IPP: variants seen among roughly 807,000 people sequenced by gnomAD.
IPP encodes intracisternal A particle-promoted polypeptide, also known as actin-binding protein IPP.
IPP carries 41 observed loss-of-function variants against 64.1 expected under a neutral mutation model. The ratio of observed to expected loss-of-function variants is 0.64; its 90% CI spans 0.50 to 0.83. IPP has a LOEUF of 0.83. Ranked by LOEUF, IPP falls within the 40% of genes least tolerant of loss-of-function variation. IPP has a pLI of 0.00. For missense variants in IPP, 649 were observed against 703.0 expected (o/e 0.92, Z 0.87); for synonymous variants, 214 against 235.2 (o/e 0.91, Z 0.83).
chr1:45,731,656 C>G (rs1645907221), intron 3 of IPP, among the ~76,000 whole-genome samples: 1 of 151,608 alleles, frequency 6.6e-6, no homozygotes, highest in Non-Finnish European at 1.5e-5. Context: ...CATCCCAGGG[C>G]CAGGTGTGGT....
chr1:45,702,740 C>T (rs1173930260), intron 8 of IPP, among the ~76,000 whole-genome samples: 1 of 152,086 alleles, frequency 6.6e-6, no homozygotes, highest in Non-Finnish European at 1.5e-5. Context: ...CAGGCATGAG[C>T]CACTGCACCC....
At chr1:45,738,189 G>C (rs1235791884) in intron 3 of IPP, among the ~76,000 whole-genome samples, 1 of 152,172 alleles carries the variant, frequency 6.6e-6, no homozygotes. Context: ...CATGCACAGA[G>C]TGGCAAAAAA....
intron 8 of IPP, among the ~76,000 whole-genome samples, chr1:45,700,500 C>T (rs1312699469): frequency 2.0e-5 from 3 of 152,016 alleles, no homozygotes; most frequent in Non-Finnish European, 4.4e-5. Flanking sequence ...CACCACCACA[C>T]CTAGCTAATT....
chr1:45,745,457 T>C (rs1218064249), intron 2 of IPP, among the ~76,000 whole-genome samples: 2 of 152,182 alleles, frequency 1.3e-5, no homozygotes, highest in East Asian at 1.9e-4. Flanking sequence ...AGTATACATA[T>C]ATTTTAAGAT....
At chr1:45,740,532 G>A (rs868822434) in intron 3 of IPP, among the ~76,000 whole-genome samples, 69 of 152,134 alleles carry the variant, frequency 4.5e-4, no homozygotes, top group Middle Eastern at 6.8e-3. Context: ...CAGACAGGGC[G>A]GCTGGCCGGG....
chr1:45,733,957 C>T (rs1388585576), intron 3 of IPP, among the ~76,000 whole-genome samples: 1 of 151,912 alleles, frequency 6.6e-6, no homozygotes, highest in Non-Finnish European at 1.5e-5. Flanking sequence ...TAAAAAAGCA[C>T]TTGATGATGA....
chr1:45,742,494 C>T (rs912762750), intron 2 of IPP, among the ~76,000 whole-genome samples: 2 of 152,328 alleles, frequency 1.3e-5, no homozygotes, highest in Non-Finnish European at 2.9e-5. Context: ...GACAAGGTCT[C>T]TATCTTCAAT....
chr1:45,716,855 G>T, intron 7 of IPP, 40 bp downstream of exon 7: 1 of 1,576,842 alleles, frequency 6.3e-7, no homozygotes, highest in Non-Finnish European at 8.6e-7. Context: ...CAGTTTTTCA[G>T]AACTACATTT....
intron 1 of IPP, among the ~76,000 whole-genome samples, chr1:45,748,891 G>C (rs1451219320): frequency 6.7e-6 from 1 of 149,166 alleles, no homozygotes; most frequent in African/African-American, 2.5e-5. Context: ...AGAATCGCTT[G>C]AACCTGGGAG....
intron 5 of IPP, among the ~76,000 whole-genome samples, chr1:45,725,714 A>T (rs1307015083): frequency 7.1e-6 from 1 of 140,506 alleles, no homozygotes; most frequent in African/African-American, 2.6e-5. Flanking sequence ...AGAAGTAGAC[A>T]TGGGAGACTT....
intron 7 of IPP, among the ~76,000 whole-genome samples, chr1:45,715,439 T>A: frequency 6.6e-6 from 1 of 151,934 alleles, no homozygotes; most frequent in East Asian, 1.9e-4. Flanking sequence ...CAGGAGATTG[T>A]GATCATCCTG....
intron 5 of IPP, among the ~76,000 whole-genome samples, chr1:45,723,647 G>A (rs756500860): frequency 1.3e-5 from 2 of 152,122 alleles, no homozygotes; most frequent in Admixed American, 6.5e-5. Flanking sequence ...GGAATTTTCT[G>A]TTGCACATGT....
chr1:45,727,852 A>G, intron 4 of IPP, 54 bp from the exon 5 acceptor site: 1 of 1,273,636 alleles, frequency 7.9e-7, no homozygotes, highest in Non-Finnish European at 1.1e-6. Context: ...ACATCTAAAC[A>G]TTTAGTATAA....
chr1:45,740,627 A>G (rs1646050285), intron 3 of IPP, among the ~76,000 whole-genome samples: 1 of 152,240 alleles, frequency 6.6e-6, no homozygotes, highest in African/African-American at 2.4e-5. Flanking sequence ...TCTGTCAGTA[A>G]TTTTTATCTA....
intron 2 of IPP, among the ~76,000 whole-genome samples, chr1:45,743,236 CTTTTT>C (rs1260853923): frequency 7.2e-6 from 1 of 139,304 alleles, no homozygotes; most frequent in Non-Finnish European, 1.6e-5. Flanking sequence ...CCACACCCAT[CTTTTT>C]TTTTTTTTTT....
At chr1:45,708,044 A>G (rs915402168) in intron 8 of IPP, among the ~76,000 whole-genome samples, 1 of 151,810 alleles carries the variant, frequency 6.6e-6, no homozygotes, top group Non-Finnish European at 1.5e-5. Context: ...AAACATCTTC[A>G]GGGTGATTAT....
At chr1:45,695,867 C>T (rs1366168839), downstream of IPP, among the ~76,000 whole-genome samples, 1 of 152,166 alleles carries the variant, frequency 6.6e-6, no homozygotes, top group Non-Finnish European at 1.5e-5. Context: ...CAGGGTTTCT[C>T]CATGTTGGTC....
At chr1:45,738,228 G>A (rs1570037942) in intron 3 of IPP, among the ~76,000 whole-genome samples, 1 of 152,248 alleles carries the variant, frequency 6.6e-6, no homozygotes, top group African/African-American at 2.4e-5. Flanking sequence ...TACTTTCTGG[G>A]TGAGGTCAAA....
At chr1:45,706,470 A>G (rs1055905946) in intron 8 of IPP, among the ~76,000 whole-genome samples, 16 of 151,916 alleles carry the variant, frequency 1.1e-4, no homozygotes, top group Admixed American at 1.1e-3. Context: ...TTTTTCCAAG[A>G]TGGAGTTTCA....
Sources: gnomAD v4.1 joint callset for allele counts (sites outside exome capture counted in the v4.1 genomes callset) on GRCh38, gnomAD v4.1.1 for gene constraint, MANE v1.5 for transcripts, NCBI Gene and HGNC (gene_info 2026-07-23, HGNC 2026-07-21) for gene names.